Variants in ALDH1L2 observed in about 807,000 individuals in gnomAD.
ALDH1L2 encodes aldehyde dehydrogenase 1 family member L2.
ALDH1L2 carries 91 observed loss-of-function variants against 111.0 expected under a neutral mutation model. The observed-to-expected ratio is 0.82, with a 90% CI of 0.69 to 0.98. The LOEUF (loss-of-function observed/expected upper bound fraction) is 0.98, where lower values mean the gene tolerates loss of function less well. ALDH1L2 is among the 50% of genes least tolerant of loss of function. The probability of loss-of-function intolerance (pLI) is 0.00; values close to 1 mark genes in which losing one functional copy is unlikely to be tolerated. For synonymous variants in ALDH1L2, 374 were observed against 392.6 expected (o/e 0.95, Z 0.56); for missense variants, 995 against 1,126.8 (o/e 0.88, Z 1.67).
chr12:105,040,506 T>A (rs1875468551), intron 16 of ALDH1L2, 101 bp downstream of exon 16: 3 of 1,051,700 alleles, frequency 2.9e-6, no homozygotes, highest in Non-Finnish European at 4.4e-6. Flanking sequence ...TTAGTTTTAA[T>A]ACAGTTATAA....
At chr12:105,050,709 T>C (rs558484679) in intron 12 of ALDH1L2, 7 of 453,382 alleles carry the variant, frequency 1.5e-5, no homozygotes, top group Non-Finnish European at 3.1e-5. Context: ...ATTCTCATGC[T>C]GCTAATAAAG....
Position 105,074,453 on chromosome 12 carries a change from G to A in ALDH1L2, c.49-448C>T, listed in dbSNP as rs1346472876. Among the ~76,000 whole-genome samples the A allele has an allele frequency of 1.8e-4, 12 of 68,098 alleles. No individual in the cohort carries two copies. The East Asian group carries it at 4.4e-3, about 25-fold the overall frequency. 44.7% of individuals were successfully genotyped at this position (68,098 alleles called of 152,430 possible). On this transcript the variant is annotated intron_variant, in intron 1 of 22. Transcript: ENST00000258494. ...AGTCTGAGTGACAGAGCAAGACTCTGTCTCCAAAAAAAAAAAAAAAAAAAA... is the reference window on the plus strand; with the variant it reads ...AGTCTGAGTGACAGAGCAAGACTCTATCTCCAAAAAAAAAAAAAAAAAAAA...
chr12:105,040,822 G>A, intron 15 of ALDH1L2, 128 bp from the exon 16 acceptor site: 1 of 772,700 alleles, frequency 1.3e-6, no homozygotes, highest in Non-Finnish European at 2.1e-6. Flanking sequence ...TTATTTTTTT[G>A]CCATAATTTC....
intron 15 of ALDH1L2, among the ~76,000 whole-genome samples, chr12:105,042,402 G>GT (rs554610250): frequency 1.2e-4 from 15 of 130,216 alleles, no homozygotes; most frequent in Non-Finnish European, 2.6e-4. Context: ...ATGTATTTGG[G>GT]TTTTTTTGTT....
intron 3 of ALDH1L2, among the ~76,000 whole-genome samples, chr12:105,069,627 A>G (rs1048808566): frequency 2.6e-5 from 4 of 152,256 alleles, no homozygotes; most frequent in African/African-American, 9.6e-5. Context: ...AGAGCCAAAA[A>G]GAAATCAATC....
At chr12:105,069,798 G>C (rs960640686) in intron 3 of ALDH1L2, among the ~76,000 whole-genome samples, 3 of 152,166 alleles carry the variant, frequency 2.0e-5, no homozygotes, top group Non-Finnish European at 4.4e-5. Flanking sequence ...TCAACCCACA[G>C]TATTGTGTCC....
intron 15 of ALDH1L2, among the ~76,000 whole-genome samples, chr12:105,045,953 G>T (rs995108741): frequency 2.0e-5 from 3 of 151,662 alleles, no homozygotes; most frequent in Non-Finnish European, 2.9e-5. Flanking sequence ...TTTACATAGT[G>T]CACTTTATAT....
chr12:105,032,832 A>G (rs970449179), intron 19 of ALDH1L2, among the ~76,000 whole-genome samples: 1 of 152,186 alleles, frequency 6.6e-6, no homozygotes, highest in Non-Finnish European at 1.5e-5. Flanking sequence ...AAATGGTCAC[A>G]TTGTTATCTT....
At position 105,024,321 on chromosome 12, in the gene ALDH1L2, G is replaced by T. The variant is rs1874304631; in HGVS notation, c.*103C>A. ...TTCATGGTCCATCTGTGTATTTTTT[G>T]GTTTGTGGCTGACACCTCCTGCCTC... On this transcript the variant is annotated 3_prime_UTR_variant, in exon 23 of 23. Transcript: ENST00000258494. 1 of 1,313,760 alleles carries T rather than the reference G, an allele frequency of 7.6e-7. No individual in the cohort carries two copies. The highest frequency in any genetic ancestry group is 2.3e-5 in the East Asian group (1 of 43,460). 81.4% of individuals were successfully genotyped at this position (1,313,760 alleles called of 1,614,324 possible).
chr12:105,077,647 A>G (rs929315477), intron 1 of ALDH1L2, among the ~76,000 whole-genome samples: 1 of 151,800 alleles, frequency 6.6e-6, no homozygotes, highest in African/African-American at 2.4e-5. Context: ...TTGCTTTCCA[A>G]ATTGTCAAAT....
intron 6 of ALDH1L2, among the ~76,000 whole-genome samples, chr12:105,064,164 G>GTTTT (rs1877205655): frequency 1.2e-5 from 1 of 84,884 alleles, no homozygotes; most frequent in Non-Finnish European, 2.3e-5. Flanking sequence ...TGTATTTTTA[G>GTTTT]TAGAGACAGG....
At chr12:105,077,196 G>A (rs945305619) in intron 1 of ALDH1L2, among the ~76,000 whole-genome samples, 5 of 152,170 alleles carry the variant, frequency 3.3e-5, no homozygotes, top group African/African-American at 1.2e-4. Context: ...TCGCATTAGT[G>A]AGAAAGGGCA....
intron 3 of ALDH1L2, among the ~76,000 whole-genome samples, chr12:105,069,955 A>C (rs1387536471): frequency 6.6e-6 from 1 of 152,222 alleles, no homozygotes; most frequent in Admixed American, 6.5e-5. Context: ...TCATCATTTC[A>C]AGTAATTACT....
intron 18 of ALDH1L2, among the ~76,000 whole-genome samples, chr12:105,036,030 C>T (rs1356451303): frequency 1.7e-4 from 14 of 80,820 alleles, no homozygotes; most frequent in South Asian, 3.4e-4. Context: ...TATATATATA[C>T]GTATATTTAT....
At position 105,070,695 on chromosome 12, in the gene ALDH1L2, C is replaced by CT; in HGVS notation, c.302dup (p.Leu102AlafsTer17). On this transcript the variant is annotated frameshift_variant, in exon 3 of 23. Coordinates refer to ENST00000258494, the MANE Select transcript of ALDH1L2 (RefSeq NM_001034173.4). LOFTEE classifies it high-confidence loss of function. ...GAGTGCAGAAAGGGAGCACATTTAG[C>CT]TCTGCACCCACGGATCTGTAGGCTT... 1 of 1,614,160 alleles carries CT rather than the reference C, an allele frequency of 6.2e-7. No homozygotes were observed. The highest frequency in any genetic ancestry group is 8.5e-7 in the Non-Finnish European group (1 of 1,180,010).
At chr12:105,070,273 T>C (rs1421429921) in intron 3 of ALDH1L2, among the ~76,000 whole-genome samples, 1 of 152,216 alleles carries the variant, frequency 6.6e-6, no homozygotes, top group Non-Finnish European at 1.5e-5. Context: ...TATGTCTAGA[T>C]CTCAGGGGAG....
chr12:105,062,219 G>T (rs1236841688), intron 7 of ALDH1L2, among the ~76,000 whole-genome samples: 1 of 152,202 alleles, frequency 6.6e-6, no homozygotes, highest in Non-Finnish European at 1.5e-5. Context: ...AGTGGAGGCG[G>T]ATGCCATTAT....
At chr12:105,077,887 G>C (rs982418151) in intron 1 of ALDH1L2, among the ~76,000 whole-genome samples, 2 of 152,140 alleles carry the variant, frequency 1.3e-5, no homozygotes, top group Non-Finnish European at 2.9e-5. Context: ...AGCTATCCAA[G>C]TAAGAATTGG....
intron 18 of ALDH1L2, among the ~76,000 whole-genome samples, chr12:105,035,627 A>G (rs1386759354): frequency 2.0e-5 from 3 of 152,074 alleles, no homozygotes; most frequent in African/African-American, 7.2e-5. Flanking sequence ...CATAAATCAT[A>G]AATATTTAGA....
Sources: gnomAD v4.1 joint callset for allele counts (sites outside exome capture counted in the v4.1 genomes callset) on GRCh38, gnomAD v4.1.1 for gene constraint, MANE v1.5 for transcripts, NCBI Gene and HGNC (gene_info 2026-07-23, HGNC 2026-07-21) for gene names.